MAN1A2: variants seen among roughly 807,000 people sequenced by gnomAD.
The protein encoded by MAN1A2 is mannosyl-oligosaccharide 1,2-alpha-mannosidase IB.
In MAN1A2, 26 loss-of-function variants were observed where a neutral mutation model predicts 75.7. That is an observed-to-expected ratio of 0.34 (90% confidence interval 0.25 to 0.48). The LOEUF (loss-of-function observed/expected upper bound fraction) is 0.48, where lower values mean the gene tolerates loss of function less well. Among genes scored for constraint, MAN1A2 ranks in the 20% least tolerant of loss-of-function variants. MAN1A2 has a pLI of 0.99. For synonymous variants in MAN1A2, 247 were observed against 264.6 expected (o/e 0.93, Z 0.65); for missense variants, 562 against 775.5 (o/e 0.72, Z 3.27).
At chr1:117,478,830 A>C (rs1650400549) in intron 8 of MAN1A2, among the ~76,000 whole-genome samples, 1 of 151,800 alleles carries the variant, frequency 6.6e-6, no homozygotes, top group African/African-American at 2.4e-5. Context: ...TTATAAATGA[A>C]GTCAAATAGT....
chr1:117,469,173 A>G (rs1650064903), intron 8 of MAN1A2, among the ~76,000 whole-genome samples: 1 of 152,114 alleles, frequency 6.6e-6, no homozygotes, highest in South Asian at 2.1e-4. Context: ...ACCCTCTCTC[A>G]AAAAACAAAA....
At chr1:117,485,775 C>G (rs1481161815) in intron 8 of MAN1A2, among the ~76,000 whole-genome samples, 1 of 151,950 alleles carries the variant, frequency 6.6e-6, no homozygotes, top group Non-Finnish European at 1.5e-5. Context: ...TTAAAGCTTT[C>G]AATATGGATG....
intron 8 of MAN1A2, among the ~76,000 whole-genome samples, chr1:117,476,360 A>G (rs1289920285): frequency 6.6e-6 from 1 of 151,984 alleles, no homozygotes; most frequent in Non-Finnish European, 1.5e-5. Context: ...TCTTTAGTTG[A>G]ATTAGATCCC....
At chr1:117,509,984 A>T (rs980809733) in intron 12 of MAN1A2, among the ~76,000 whole-genome samples, 2 of 151,774 alleles carry the variant, frequency 1.3e-5, no homozygotes, top group East Asian at 3.9e-4. Context: ...CATATATAAG[A>T]TTATATATAC....
chr1:117,496,918 T>C lies in MAN1A2; in HGVS notation c.1440T>C (p.Ala480=). The change falls in exon 10 of 13, where the codon GCT becomes GCC. Residue 480 remains alanine, a synonymous_variant. Coordinates refer to ENST00000356554, the MANE Select transcript of MAN1A2 (RefSeq NM_006699.5). ...LGADGSRADK[A]GHYLELGAEI... ...CAGATGGTTCCAGAGCAGATAAAGC[T>C]GGTCATTATTTAGAGCTAGGGGCAG... 3.1e-6 allele frequency: 5 copies of C among 1,612,644 alleles called. No homozygotes were observed. Among genetic ancestry groups the C allele is most frequent in the Non-Finnish European group, 4.2e-6 (5 of 1,179,172 alleles).
At chr1:117,391,582 T>C (rs1653722275) in intron 1 of MAN1A2, among the ~76,000 whole-genome samples, 1 of 152,220 alleles carries the variant, frequency 6.6e-6, no homozygotes, top group South Asian at 2.1e-4. Flanking sequence ...AATATAGCTG[T>C]TCTCACTTAA....
intron 5 of MAN1A2, among the ~76,000 whole-genome samples, chr1:117,436,043 G>A (rs890894237): frequency 2.0e-5 from 3 of 152,132 alleles, no homozygotes; most frequent in African/African-American, 7.2e-5. Context: ...GGGCAACAGA[G>A]TGAGACTCCG....
chr1:117,487,589 C>T (rs949588656), intron 8 of MAN1A2, among the ~76,000 whole-genome samples: 7 of 151,954 alleles, frequency 4.6e-5, no homozygotes, highest in Admixed American at 1.3e-4. Context: ...AAAATGGTAG[C>T]GTCACTGAAT....
At chr1:117,497,958 T>C (rs1485965387) in intron 10 of MAN1A2, among the ~76,000 whole-genome samples, 3 of 151,960 alleles carry the variant, frequency 2.0e-5, no homozygotes, top group African/African-American at 4.8e-5. Flanking sequence ...ACAAATATGA[T>C]TGACCTAAAA....
intron 12 of MAN1A2, among the ~76,000 whole-genome samples, chr1:117,504,177 G>A (rs1651281411): frequency 1.3e-5 from 2 of 151,372 alleles, no homozygotes; most frequent in Admixed American, 6.6e-5. Flanking sequence ...CACTAGACTA[G>A]AAAATAAAGT....
intron 1 of MAN1A2, among the ~76,000 whole-genome samples, chr1:117,372,918 G>A (rs1024597378): frequency 1.3e-5 from 2 of 151,994 alleles, no homozygotes; most frequent in Non-Finnish European, 2.9e-5. Flanking sequence ...TGAGGGTCAG[G>A]TATATGTTTA....
intron 7 of MAN1A2, among the ~76,000 whole-genome samples, chr1:117,464,276 T>C (rs1294303947): frequency 6.7e-6 from 1 of 148,702 alleles, no homozygotes; most frequent in African/African-American, 2.5e-5. Flanking sequence ...GGAGGATCAC[T>C]GAAGCCTGGG....
intron 12 of MAN1A2, among the ~76,000 whole-genome samples, chr1:117,513,349 G>A (rs181306344): frequency 1.3e-3 from 203 of 152,166 alleles, no homozygotes; most frequent in Non-Finnish European, 2.0e-3. Flanking sequence ...CCACAATAAC[G>A]TTTATGTTTG....
chr1:117,445,866 G>GTATATATA (rs1255167664), intron 6 of MAN1A2, among the ~76,000 whole-genome samples: 1,968 of 119,248 alleles, frequency 0.017, 120 homozygotes, highest in East Asian at 0.047. Context: ...GTGTATGTGT[G>GTATATATA]TGTGTGTCTG....
intron 9 of MAN1A2, among the ~76,000 whole-genome samples, chr1:117,496,103 A>G (rs1651029164): frequency 7.6e-6 from 1 of 132,292 alleles, no homozygotes; most frequent in Non-Finnish European, 1.6e-5. Flanking sequence ...AACTTGTCAG[A>G]GAACAACTGA....
chr1:117,427,456 G>T (rs909579268), intron 5 of MAN1A2, among the ~76,000 whole-genome samples: 2 of 152,120 alleles, frequency 1.3e-5, no homozygotes, highest in African/African-American at 4.8e-5. Context: ...TGAAGAAAGA[G>T]AATTAAATAT....
intron 8 of MAN1A2, among the ~76,000 whole-genome samples, chr1:117,472,554 A>C (rs896511118): frequency 5.3e-5 from 8 of 152,046 alleles, no homozygotes; most frequent in African/African-American, 1.7e-4. Context: ...CAAATACATG[A>C]TGTGATGTAA....
intron 5 of MAN1A2, among the ~76,000 whole-genome samples, chr1:117,437,351 G>T (rs1169897111): frequency 6.6e-6 from 1 of 152,148 alleles, no homozygotes; most frequent in African/African-American, 2.4e-5. Context: ...AGTAGTAATT[G>T]AAGTCAGAAG....
intron 8 of MAN1A2, among the ~76,000 whole-genome samples, chr1:117,485,195 T>C (rs1413674752): frequency 1.3e-5 from 2 of 151,970 alleles, no homozygotes; most frequent in Non-Finnish European, 2.9e-5. Context: ...TTGGTTTTTA[T>C]TCATGATAGG....
Sources: allele counts gnomAD v4.1 joint callset (sites outside exome capture counted in the v4.1 genomes callset), GRCh38; gene constraint gnomAD v4.1.1; transcripts MANE v1.5; gene names NCBI Gene and HGNC (gene_info 2026-07-23, HGNC 2026-07-21).